EPB41L3: variants seen among roughly 807,000 people sequenced by gnomAD.
The protein encoded by EPB41L3 is erythrocyte membrane protein band 4.1 like 3.
In EPB41L3, 57 loss-of-function variants were observed where a neutral mutation model predicts 127.1. That is an observed-to-expected ratio of 0.45 (90% CI 0.36 to 0.56). The LOEUF (loss-of-function observed/expected upper bound fraction) is 0.56, where lower values mean the gene tolerates loss of function less well. EPB41L3 is among the 20% of genes least tolerant of loss of function. The pLI is 0.00. For missense variants in EPB41L3, 1,273 were observed against 1,372.2 expected, an observed-to-expected ratio of 0.93 and a Z score of 1.14; for synonymous variants, 572 against 549.5, an observed-to-expected ratio of 1.04 and a Z score of -0.57.
At chr18:5,472,294 T>C (rs550105710) in intron 3 of EPB41L3, among the ~76,000 whole-genome samples, 131 of 152,312 alleles carry the variant, frequency 8.6e-4, no homozygotes, top group Non-Finnish European at 1.6e-3. Flanking sequence ...TTCCTATGGT[T>C]GCACCAAAGA....
chr18:5,624,923 T>C (rs2094905389), intron 1 of EPB41L3, among the ~76,000 whole-genome samples: 1 of 151,806 alleles, frequency 6.6e-6, no homozygotes, highest in South Asian at 2.1e-4. Flanking sequence ...AGGGAGGTGG[T>C]GTTTGAGTGC....
intron 16 of EPB41L3, chr18:5,400,889 A>G (rs918868623): frequency 6.1e-5 from 53 of 863,756 alleles, no homozygotes; most frequent in Non-Finnish European, 9.2e-5. Context: ...TAAAGGGAAA[A>G]TAAAAACTAA....
At chr18:5,608,864 T>C (rs2094693857) in intron 3 of EPB41L3, among the ~76,000 whole-genome samples, 1 of 152,210 alleles carries the variant, frequency 6.6e-6, no homozygotes, top group Non-Finnish European at 1.5e-5. Context: ...GATTAGGTGA[T>C]AATTGTGTCG....
intron 3 of EPB41L3, among the ~76,000 whole-genome samples, chr18:5,571,648 A>C (rs1227949579): frequency 6.6e-6 from 1 of 152,216 alleles, no homozygotes; most frequent in African/African-American, 2.4e-5. Flanking sequence ...GTGGATCCAG[A>C]GTTATTTTTG....
intron 3 of EPB41L3, among the ~76,000 whole-genome samples, chr18:5,561,240 G>C (rs981279541): frequency 1.3e-5 from 2 of 152,106 alleles, no homozygotes; most frequent in African/African-American, 4.8e-5. Flanking sequence ...GCCTCCCAAA[G>C]TGCTGGGATT....
chr18:5,492,831 A>G (rs1049812265), intron 1 of EPB41L3, among the ~76,000 whole-genome samples: 12 of 152,192 alleles, frequency 7.9e-5, no homozygotes, highest in African/African-American at 2.4e-4. Context: ...AGATGGCAAG[A>G]GGAGTCCTTA....
At chr18:5,438,138 A>G in intron 5 of EPB41L3, 28 bp from the exon 6 acceptor site, 1 of 1,603,032 alleles carries the variant, frequency 6.2e-7, no homozygotes, top group East Asian at 2.2e-5. Context: ...AATTAGAGTA[A>G]AACCTTGAGA....
intron 16 of EPB41L3, chr18:5,398,692 T>C (rs1304588675): frequency 5.0e-6 from 2 of 399,370 alleles, no homozygotes; most frequent in African/African-American, 4.1e-5. Context: ...TAATGGGCAG[T>C]AGCAACGGTA....
intron 3 of EPB41L3, among the ~76,000 whole-genome samples, chr18:5,572,568 T>C (rs2149258342): frequency 6.6e-6 from 1 of 152,082 alleles, no homozygotes; most frequent in East Asian, 1.9e-4. Flanking sequence ...GTTTTTGTTG[T>C]TTTGGTTTTG....
rs1014853061 is a variant in EPB41L3, at chr18:5,451,700, G to A, written c.382-6456C>T. 5.3e-5 allele frequency among the ~76,000 whole-genome samples: 8 copies of A among 152,308 alleles called. 1 individual carries two copies. The highest frequency in any genetic ancestry group is 4.6e-4 in the Admixed American group (7 of 15,296). ...ACAAAAGTATTTTTCTCACTAGCAA[G>A]CCGTAAGCAATGACACCGAAGCAAT... On this transcript the variant is annotated intron_variant, in intron 3 of 22. Coordinates refer to ENST00000341928, the MANE Select transcript of EPB41L3 (RefSeq NM_012307.5).
At chr18:5,537,581 C>G (rs1406161997) in intron 1 of EPB41L3, among the ~76,000 whole-genome samples, 1 of 152,136 alleles carries the variant, frequency 6.6e-6, no homozygotes, top group East Asian at 1.9e-4. Flanking sequence ...CAATAACTCC[C>G]CACTACCTAG....
rs114825158 is a variant in EPB41L3 at position 5,456,910 on chromosome 18, C to A, written c.382-11666G>T. Among the ~76,000 whole-genome samples, 700 of 152,354 alleles carry A rather than the reference C, an allele frequency of 4.6e-3. 5 individuals are homozygous for A. The highest frequency in any genetic ancestry group is 0.016 in the African/African-American group (669 of 41,590). On this transcript the variant is annotated intron_variant, in intron 3 of 22. Coordinates refer to ENST00000341928, the MANE Select transcript of EPB41L3 (RefSeq NM_012307.5). The stretch of plus-strand genomic sequence containing the variant: ...AACCAGACACGGCAGGCCCTGTCTT[C>A]TGGGCTCAGCCCAGTGAGAAGCTGG...
At chr18:5,528,073 G>A (rs1040054032) in intron 1 of EPB41L3, among the ~76,000 whole-genome samples, 1 of 152,196 alleles carries the variant, frequency 6.6e-6, no homozygotes, top group Non-Finnish European at 1.5e-5. Context: ...AGACACGTAT[G>A]GTTATGAGAA....
rs774411581 is a variant in EPB41L3 at position 5,432,377 on chromosome 18, T to C, written c.912+1092A>G. 7.0e-4 allele frequency among the ~76,000 whole-genome samples: 107 copies of C among 152,154 alleles called. 1 individual carries two copies. Among genetic ancestry groups the C allele is most frequent in the Non-Finnish European group, 1.3e-3 (86 of 68,020 alleles). The stretch of plus-strand genomic sequence containing the variant: ...TGCACATTCTGTGAGTCTCAGACCA[T>C]GAAATCGGTGACTAACTCTGTCCAT... On this transcript the variant is annotated intron_variant, in intron 8 of 22. Transcript: ENST00000341928.
intron 3 of EPB41L3, among the ~76,000 whole-genome samples, chr18:5,559,330 C>T (rs1391271617): frequency 6.6e-6 from 1 of 152,106 alleles, no homozygotes; most frequent in East Asian, 1.9e-4. Context: ...AGACTTTTTG[C>T]AAAGGCAAAA....
In EPB41L3 at chr18:5,488,883, GA is replaced by G. The variant is rs1333747333; in HGVS notation, c.183+117del. On this transcript the variant is annotated intron_variant, in intron 2 of 22. Transcript: ENST00000341928. ...ATACATTTTCATCTGCCTGGGGCTAGAAGGGGAACAGCAGATGACCCCTCAT... is the reference window on the plus strand; with the variant it reads ...ATACATTTTCATCTGCCTGGGGCTAGAGGGGAACAGCAGATGACCCCTCAT... 2.7e-6 allele frequency: 3 copies of G among 1,114,052 alleles called. No individual in the cohort carries two copies. The African/African-American group carries it at 4.9e-5, about 18-fold the overall frequency. 69.0% of individuals were successfully genotyped at this position (1,114,052 alleles called of 1,614,324 possible).
intron 3 of EPB41L3, among the ~76,000 whole-genome samples, chr18:5,448,314 C>G (rs564443727): frequency 6.6e-6 from 1 of 152,318 alleles, no homozygotes; most frequent in Non-Finnish European, 1.5e-5. Flanking sequence ...CAGCCCTGGA[C>G]TGGATCCCTT....
chr18:5,414,441 G>A (rs1291299392), intron 13 of EPB41L3, among the ~76,000 whole-genome samples: 1 of 152,078 alleles, frequency 6.6e-6, no homozygotes, highest in Non-Finnish European at 1.5e-5. Context: ...CTGCTGCAAA[G>A]AAATGGTCAT....
chr18:5,606,761 AC>A (rs1278183922), intron 3 of EPB41L3, among the ~76,000 whole-genome samples: 4 of 152,204 alleles, frequency 2.6e-5, no homozygotes, highest in African/African-American at 7.2e-5. Context: ...ACTCACAAGT[AC>A]TACAGAAGCT....
Sources: allele counts gnomAD v4.1 joint callset (sites outside exome capture counted in the v4.1 genomes callset), GRCh38; gene constraint gnomAD v4.1.1; transcripts MANE v1.5; gene names NCBI Gene and HGNC (gene_info 2026-07-23, HGNC 2026-07-21).